IL11: variants seen among roughly 807,000 people sequenced by gnomAD.
The protein encoded by IL11 is interleukin 11, also known as interleukin-11.
In IL11, 17 loss-of-function variants were observed where a neutral mutation model predicts 18.1. That is an observed-to-expected ratio of 0.94 (90% CI 0.64 to 1.41). The LOEUF (loss-of-function observed/expected upper bound fraction) is 1.41, where lower values mean the gene tolerates loss of function less well. Among genes scored for constraint, IL11 ranks in the 40% most tolerant of loss-of-function variants. The pLI is 0.00. For synonymous variants in IL11, 144 were observed against 134.1 expected (o/e 1.07, Z -0.51); for missense variants, 309 against 262.8 (o/e 1.18, Z -1.22).
At chr19:55,368,140 G>T in intron 4 of IL11, 70 bp downstream of exon 4, 1 of 1,361,320 alleles carries the variant, frequency 7.3e-7, no homozygotes, top group Non-Finnish European at 9.9e-7. Flanking sequence ...AGGCTTCAAG[G>T]ACTCAGGCCA....
chr19:55,370,207 C>G (rs1422926410), intron 1 of IL11, 97 bp downstream of exon 1: 1 of 936,040 alleles, frequency 1.1e-6, no homozygotes, highest in African/African-American at 1.6e-5. Context: ...CCGGGTCCCT[C>G]TCTGTGCGAC....
chr19:55,366,306 T>A lies in IL11; in HGVS notation c.430-129A>T, dbSNP rs2089785813. The A allele has an allele frequency of 1.0e-6, 1 of 957,562 alleles. No homozygotes were observed. Among genetic ancestry groups the A allele is most frequent in the East Asian group, 3.1e-5 (1 of 32,712 alleles). 59.3% of individuals were successfully genotyped at this position (957,562 alleles called of 1,614,324 possible). ...GGGGACTGTGGCGCGTGGGGTGAAGTGTTTAGGCCGGGAGCTCTTCAGGCT... is the reference window on the plus strand; with the variant it reads ...GGGGACTGTGGCGCGTGGGGTGAAGAGTTTAGGCCGGGAGCTCTTCAGGCT... On this transcript the variant is annotated intron_variant, in intron 4 of 4. Coordinates refer to ENST00000264563, the MANE Select transcript of IL11 (RefSeq NM_000641.4). This position sits in a 1 kb window ranked among gnomAD's most constrained non-coding sequence, Gnocchi z 4.6.
intron 4 of IL11, 78 bp downstream of exon 4, chr19:55,368,132 G>T: frequency 7.6e-7 from 1 of 1,308,444 alleles, no homozygotes; most frequent in Non-Finnish European, 1.0e-6. Flanking sequence ...GGGGTCTCAG[G>T]CTTCAAGGAC....
Position 55,365,693 on chromosome 19 carries a change from A to G in IL11, c.*314T>C. On this transcript the variant is annotated 3_prime_UTR_variant, in exon 5 of 5. Coordinates refer to ENST00000264563, the MANE Select transcript of IL11 (RefSeq NM_000641.4). Reference sequence around the variant, plus strand: ...AAGTAATTGCTTAAATAAATAATATATGTTCCTGCCCAGGCCTAGATGGGG... The same window carrying G: ...AAGTAATTGCTTAAATAAATAATATGTGTTCCTGCCCAGGCCTAGATGGGG... 2.8e-6 allele frequency: 1 copy of G among 352,770 alleles called. No homozygotes were observed. Among genetic ancestry groups the G allele is most frequent in the Non-Finnish European group, 5.1e-6 (1 of 195,572 alleles). The allele number at this position is 352,770 out of a possible 1,614,324, so 21.9% of individuals were successfully genotyped here.
Position 55,368,555 on chromosome 19 carries a change from T to A in IL11, c.195A>T (p.Pro65=). ...AATCCAGGTTGTGGTCCCCGTCAGC[T>A]GGGAATTTGTCCCTCTGGCAGGGAA... The part of the protein sequence containing the change: ...QLAAQLRDKF[P]ADGDHNLDSL... The change falls in exon 3 of 5, where the codon CCA becomes CCT. Residue 65 remains proline (P), a synonymous_variant. Transcript: ENST00000264563. 2 of 1,612,092 alleles carry A rather than the reference T, an allele frequency of 1.2e-6. No individual in the cohort carries two copies. The highest frequency in any genetic ancestry group is 2.2e-5 in the South Asian group (2 of 90,554).
chr19:55,368,315 C>T lies in IL11; in HGVS notation c.324G>A (p.Val108=). The change falls in exon 4 of 5, where the codon GTG becomes GTA. Residue 108 remains valine, a synonymous_variant. Coordinates refer to ENST00000264563, the MANE Select transcript of IL11 (RefSeq NM_000641.4). The part of the protein sequence containing the change: ...RADLLSYLRH[V]QWLRRAGGSS... ...AGCCACCTGCCCGGCGCAGCCACTG[C>T]ACGTGCCGCAGGTAGGACAGTAGGT... is the stretch of plus-strand genomic sequence containing the variant. The T allele has an allele frequency of 6.3e-7, 1 of 1,593,458 alleles. No individual in the cohort carries two copies. The highest frequency in any genetic ancestry group is 8.6e-7 in the Non-Finnish European group (1 of 1,169,256).
In IL11 at chr19:55,368,248, C is replaced by T. The variant is rs993838218; in HGVS notation, c.391G>A (p.Ala131Thr). 1 of 1,546,718 alleles carries T rather than the reference C, an allele frequency of 6.5e-7. No individual in the cohort carries two copies. Among genetic ancestry groups the T allele is most frequent in the Non-Finnish European group, 8.7e-7 (1 of 1,144,910 alleles). ...TLEPELGTLQ[A>T]RLDRLLRRLQ... ...CGGCGCAGCAGCCGGTCCAGTCGGG[C>T]CTGCAGGGTGCCCAGCTCGGGCTCC... Residue 131 changes from alanine to threonine, a missense_variant, in exon 4 of 5, where the codon GCC becomes ACC. Transcript: ENST00000264563.
chr19:55,366,280 G>GTCCCCCTGTGAATAT lies in IL11; in HGVS notation c.430-104_430-103insATATTCACAGGGGGA. 8.0e-7 allele frequency: 1 copy of GTCCCCCTGTGAATAT among 1,256,340 alleles called. No homozygotes were observed. Among genetic ancestry groups the GTCCCCCTGTGAATAT allele is most frequent in the Non-Finnish European group, 1.1e-6 (1 of 944,246 alleles). 77.8% of individuals were successfully genotyped at this position (1,256,340 alleles called of 1,614,324 possible). On this transcript the variant is annotated intron_variant, in intron 4 of 4. Transcript: ENST00000264563. The surrounding 1 kb of genome is among the most constrained non-coding windows in gnomAD (Gnocchi z 4.6). ...GCTGAATCGGGGCTGCATATTCACAGGGGGACTGTGGCGCGTGGGGTGAAG... is the reference window on the plus strand; with the variant it reads ...GCTGAATCGGGGCTGCATATTCACAGTCCCCCTGTGAATATGGGGACTGTGGCGCGTGGGGTGAAG...
chr19:55,368,052 C>CGGTGTCAGGGTCTCAGAGCGGGCTGTTAG, intron 4 of IL11, among the ~76,000 whole-genome samples, 158 bp downstream of exon 4: 1 of 151,498 alleles, frequency 6.6e-6, no homozygotes, highest in Middle Eastern at 3.4e-3. Context: ...GGGGCTGTTA[C>CGGTGTCAGGGTCTCAGAGCGGGCTGTTAG]GGTGTCAGGG....
At chr19:55,370,238 C>A in intron 1 of IL11, 66 bp downstream of exon 1, 1 of 1,268,782 alleles carries the variant, frequency 7.9e-7, no homozygotes, top group Non-Finnish European at 1.1e-6. Context: ...CTGCTCCCAC[C>A]CCCGCCGTGG....
rs1222480586 is a variant in IL11 at position 55,369,025 on chromosome 19, G to A, written c.8-84C>T. 6 of 1,269,542 alleles carry A rather than the reference G, an allele frequency of 4.7e-6. No homozygotes were observed. The East Asian group carries it at 1.6e-4, about 33-fold the overall frequency. 78.6% of individuals were successfully genotyped at this position (1,269,542 alleles called of 1,614,324 possible). On this transcript the variant is annotated intron_variant, in intron 1 of 4. Coordinates refer to ENST00000264563, the MANE Select transcript of IL11 (RefSeq NM_000641.4). This position sits in a 1 kb window ranked among gnomAD's most constrained non-coding sequence, Gnocchi z 6.1. Reference sequence around the variant, plus strand: ...CTGGGCCTGGACTCCCGGGTCTGAGGGAGGAGGAACTGGGGTCTGGACTCC... The same window carrying A: ...CTGGGCCTGGACTCCCGGGTCTGAGAGAGGAGGAACTGGGGTCTGGACTCC...
chr19:55,365,437 A>T lies in IL11; in HGVS notation c.*570T>A, dbSNP rs968872114. The T allele has an allele frequency of 6.2e-6, 1 of 160,798 alleles. No homozygotes were observed. Among genetic ancestry groups the T allele is most frequent in the African/African-American group, 2.4e-5 (1 of 41,412 alleles). 10.0% of individuals were successfully genotyped at this position (160,798 alleles called of 1,614,324 possible). A position where few individuals can be genotyped will look rare whatever the true frequency, so the allele number is the denominator to read the frequency against. On this transcript the variant is annotated 3_prime_UTR_variant, in exon 5 of 5. Transcript: ENST00000264563. ...ACAGAGCTGTCTGGGTGACCGACCC[A>T]TCTCCCAGTCGCTGCCCCGCCCACT...
rs757505478 is a variant in IL11 at position 55,364,765 on chromosome 19, C to G, written c.*1242G>C. 1.3e-5 allele frequency: 2 copies of G among 152,140 alleles called. No individual in the cohort carries two copies. Among genetic ancestry groups the G allele is most frequent in the Non-Finnish European group, 2.9e-5 (2 of 68,030 alleles). The allele number at this position is 152,140 out of a possible 1,614,324, so 9.4% of individuals were successfully genotyped here. ...CCTCCCAAAGTGCCAGGATTACAGG[C>G]GTGAGCCACCATGCCTGGCCAATGT... is the stretch of plus-strand genomic sequence containing the variant. On this transcript the variant is annotated 3_prime_UTR_variant, in exon 5 of 5. Coordinates refer to ENST00000264563, the MANE Select transcript of IL11 (RefSeq NM_000641.4).
chr19:55,367,450 CTTTTTTTTTTTT>C (rs980514763), intron 4 of IL11, among the ~76,000 whole-genome samples: 1 of 69,816 alleles, frequency 1.4e-5, no homozygotes, highest in Non-Finnish European at 2.6e-5. Context: ...TCTTTTCCTT[CTTTTTTTTTTTT>C]TTTTTTTTTT....
At position 55,366,258 on chromosome 19, in the gene IL11, G is replaced by A. The variant is rs1280722006; in HGVS notation, c.430-81C>T. On this transcript the variant is annotated intron_variant, in intron 4 of 4. Transcript: ENST00000264563. This position sits in a 1 kb window ranked among gnomAD's most constrained non-coding sequence, Gnocchi z 4.6. ...GCAGGGGTGCTGTGGAGCTGCAGCTGAATCGGGGCTGCATATTCACAGGGG... is the reference window on the plus strand; with the variant it reads ...GCAGGGGTGCTGTGGAGCTGCAGCTAAATCGGGGCTGCATATTCACAGGGG... 5 of 1,395,212 alleles carry A rather than the reference G, an allele frequency of 3.6e-6. No individual in the cohort carries two copies. The allele number at this position is 1,395,212 out of a possible 1,614,324, so 86.4% of individuals were successfully genotyped here.
chr19:55,370,401 G>A lies in IL11; in HGVS notation c.-91C>T, dbSNP rs1263050849. 8.5e-7 allele frequency: 1 copy of A among 1,174,860 alleles called. No individual in the cohort carries two copies. Among genetic ancestry groups the A allele is most frequent in the African/African-American group, 1.6e-5 (1 of 62,314 alleles). 72.8% of individuals were successfully genotyped at this position (1,174,860 alleles called of 1,614,324 possible). On this transcript the variant is annotated 5_prime_UTR_variant, in exon 1 of 5. Transcript: ENST00000264563. ...TGTCCGCTGCCGGGGGAGCCCCGAGGGTCAGCTGGGCCGCGGCCTGGGGAG... is the reference window on the plus strand; with the variant it reads ...TGTCCGCTGCCGGGGGAGCCCCGAGAGTCAGCTGGGCCGCGGCCTGGGGAG...
Position 55,368,311 on chromosome 19 carries a change from A to C in IL11, c.328T>G (p.Trp110Gly). The change falls in exon 4 of 5, where the codon TGG becomes GGG. Residue 110 changes from tryptophan (W) to glycine (G), a missense_variant. By Grantham distance (184) the Trp-to-Gly change is radical. Coordinates refer to ENST00000264563, the MANE Select transcript of IL11 (RefSeq NM_000641.4). Reference protein sequence around the residue: ...DLLSYLRHVQWLRRAGGSSLK... With the variant: ...DLLSYLRHVQGLRRAGGSSLK... ...GAAGAGCCACCTGCCCGGCGCAGCC[A>C]CTGCACGTGCCGCAGGTAGGACAGT... is the stretch of plus-strand genomic sequence containing the variant. The C allele has an allele frequency of 1.9e-6, 3 of 1,591,596 alleles. No homozygotes were observed. The East Asian group carries it at 6.8e-5, about 36-fold the overall frequency.
At position 55,366,048 on chromosome 19, in the gene IL11, A is replaced by G; in HGVS notation, c.559T>C (p.Trp187Arg). Residue 187 changes from tryptophan (W) to arginine (R), a missense_variant, in exon 5 of 5, where the codon TGG (tryptophan) becomes CGG (arginine). Transcript: ENST00000264563. The surrounding 1 kb of genome is among the most constrained non-coding windows in gnomAD (Gnocchi z 4.6). ...AGCAGCAGCAGTCCCCTCACGGCCCAGTCAAGTGTCAGGTGCAGCCCCCCC... is the reference window on the plus strand; with the variant it reads ...AGCAGCAGCAGTCCCCTCACGGCCCGGTCAAGTGTCAGGTGCAGCCCCCCC... Reference protein sequence around the residue: ...ILGGLHLTLDWAVRGLLLLKT... With the variant: ...ILGGLHLTLDRAVRGLLLLKT... 7 of 1,603,272 alleles carry G rather than the reference A, an allele frequency of 4.4e-6. No individual in the cohort carries two copies. The highest frequency in any genetic ancestry group is 5.1e-6 in the Non-Finnish European group (6 of 1,176,092).
In IL11 at chr19:55,369,144, G is replaced by A; in HGVS notation, c.8-203C>T. On this transcript the variant is annotated intron_variant, in intron 1 of 4. Coordinates refer to ENST00000264563, the MANE Select transcript of IL11 (RefSeq NM_000641.4). The surrounding 1 kb of genome is among the most constrained non-coding windows in gnomAD (Gnocchi z 6.1). ...TGGACTCCTGGGTCTCGGGGAGGAG[G>A]GTCTGGGGCCTGGACTCCCGGCCTT... 1 of 475,592 alleles carries A rather than the reference G, an allele frequency of 2.1e-6. No individual in the cohort carries two copies. Among genetic ancestry groups the A allele is most frequent in the Non-Finnish European group, 3.7e-6 (1 of 270,540 alleles). The allele number at this position is 475,592 out of a possible 1,614,324, so 29.5% of individuals were successfully genotyped here. A position where few individuals can be genotyped will look rare whatever the true frequency, so the allele number is the denominator to read the frequency against.
Sources: gnomAD v4.1 joint callset for allele counts (sites outside exome capture counted in the v4.1 genomes callset) on GRCh38, gnomAD v4.1.1 for gene constraint, Gnocchi (gnomAD v3.1) non-coding constraint, MANE v1.5 for transcripts, NCBI Gene and HGNC (gene_info 2026-07-23, HGNC 2026-07-21) for gene names.